Variants in PLAC9 observed in about 807,000 individuals in gnomAD.
The protein encoded by PLAC9 is placenta associated 9, also known as placenta-specific protein 9.
In PLAC9, 12 loss-of-function variants were observed where a neutral mutation model predicts 11.5. The observed-to-expected ratio is 1.05, with a 90% CI of 0.67 to 1.69. The LOEUF (loss-of-function observed/expected upper bound fraction) is 1.69. PLAC9 is among the 40% of genes most tolerant of loss of function. PLAC9 has a pLI of 0.00. For missense variants in PLAC9, 132 were observed against 130.5 expected, an observed-to-expected ratio of 1.01 and a Z score of -0.06; for synonymous variants, 62 against 58.1, an observed-to-expected ratio of 1.07 and a Z score of -0.31.
upstream of PLAC9, chr10:80,132,511 G>C: frequency 2.3e-6 from 1 of 427,732 alleles, no homozygotes; most frequent in Non-Finnish European, 4.1e-6. Context: ...CGGGGACTCG[G>C]GGGGCGGCCC....
intron 2 of PLAC9, among the ~76,000 whole-genome samples, chr10:80,142,647 ATCCT>A (rs1471478153): frequency 1.3e-5 from 2 of 152,212 alleles, no homozygotes; most frequent in African/African-American, 2.4e-5. Context: ...TATAATTTTT[ATCCT>A]TCCTTATGTC....
chr10:80,142,526 ATT>A (rs1047604700), intron 2 of PLAC9, among the ~76,000 whole-genome samples: 6 of 152,200 alleles, frequency 3.9e-5, no homozygotes, highest in African/African-American at 1.4e-4. Context: ...GAAATTGAGC[ATT>A]CTCATTCATC....
chr10:80,142,303 C>T (rs1845049967), intron 2 of PLAC9, 124 bp downstream of exon 2: 3 of 720,120 alleles, frequency 4.2e-6, no homozygotes, highest in Non-Finnish European at 6.6e-6. Context: ...CCTGTGGCCA[C>T]CTCGTCCAAC....
rs189782044 is a variant in PLAC9, at chr10:80,139,015, G to A, written c.65-3067G>A. 8.5e-3 allele frequency among the ~76,000 whole-genome samples: 1,258 copies of A among 147,984 alleles called. 22 individuals are homozygous for A. The highest frequency in any genetic ancestry group is 0.03 in the African/African-American group (1,191 of 39,464). ...CACCCAGGCTGGAGTGCAGTGGCGC[G>A]ATCTCCACTCACTGCAAGCTCTGCC... On this transcript the variant is annotated intron_variant, in intron 1 of 3. Coordinates refer to ENST00000372263, the MANE Select transcript of PLAC9 (RefSeq NM_001012973.3).
chr10:80,143,774 A>G (rs1845068063), intron 2 of PLAC9, among the ~76,000 whole-genome samples: 1 of 152,196 alleles, frequency 6.6e-6, no homozygotes, highest in African/African-American at 2.4e-5. Context: ...TTAAGGCATT[A>G]TTCTGAGAAG....
chr10:80,138,951 C>CTTTTTT (rs773767546), intron 1 of PLAC9, among the ~76,000 whole-genome samples: 3 of 131,316 alleles, frequency 2.3e-5, no homozygotes, highest in African/African-American at 9.4e-5. Context: ...TGCAATATTC[C>CTTTTTT]TTTTTTTTTT....
At chr10:80,134,192 C>T (rs1393659775) in intron 1 of PLAC9, among the ~76,000 whole-genome samples, 1 of 151,838 alleles carries the variant, frequency 6.6e-6, no homozygotes, top group Admixed American at 6.6e-5. Context: ...TCTATAGCCT[C>T]CACCCTCTCT....
chr10:80,141,996 A>G (rs764929508), intron 1 of PLAC9, 86 bp from the exon 2 acceptor site: 110 of 1,083,658 alleles, frequency 1.0e-4, no homozygotes, highest in Non-Finnish European at 1.4e-4. Context: ...TTGAGGACTG[A>G]CCTCATTTGA....
chr10:80,136,814 G>A (rs1475288146), intron 1 of PLAC9, among the ~76,000 whole-genome samples: 7 of 152,136 alleles, frequency 4.6e-5, no homozygotes, highest in Middle Eastern at 3.4e-3. Flanking sequence ...AGCCCAGCTC[G>A]TCTAGCTAAT....
chr10:80,141,577 C>A (rs561127637), intron 1 of PLAC9, among the ~76,000 whole-genome samples: 1 of 151,888 alleles, frequency 6.6e-6, no homozygotes, highest in Non-Finnish European at 1.5e-5. Flanking sequence ...CCAGCCTGGG[C>A]GACAGAGCGA....
intron 1 of PLAC9, among the ~76,000 whole-genome samples, chr10:80,134,713 CTTGA>C (rs1231829794): frequency 2.0e-5 from 3 of 152,094 alleles, no homozygotes; most frequent in East Asian, 1.9e-4. Context: ...TTCAAATGTC[CTTGA>C]TTGATTGTGT....
chr10:80,135,321 C>CTT (rs139336508), intron 1 of PLAC9, among the ~76,000 whole-genome samples: 750 of 67,274 alleles, frequency 0.011, 12 homozygotes, highest in Non-Finnish European at 0.015. Flanking sequence ...TGCGCCCGGC[C>CTT]TTTTTTTTTT....
Position 80,145,143 on chromosome 10 carries a change from C to G in PLAC9, c.*233C>G. The G allele has an allele frequency of 1.5e-6, 1 of 661,814 alleles. No homozygotes were observed. The allele number at this position is 661,814 out of a possible 1,614,324, so 41.0% of individuals were successfully genotyped here. ...CCAGGCTCAGACCTGGGGACACCCC[C>G]ACTCCTGTCATTTATAGGGGCAGAT... is the stretch of plus-strand genomic sequence containing the variant. On this transcript the variant is annotated 3_prime_UTR_variant, in exon 4 of 4. Transcript: ENST00000372263.
In PLAC9 at chr10:80,142,184, C is replaced by T; in HGVS notation, c.162+5C>T. On this transcript the variant is annotated splice_donor_5th_base_variant and intron_variant, in intron 2 of 3. Coordinates refer to ENST00000372263, the MANE Select transcript of PLAC9 (RefSeq NM_001012973.3). ...CGTCTAGATGTCATGGAGGAGGTAA[C>T]AGGGTGGTTTGGAAGGACATGCGAG... 1 of 1,600,868 alleles carries T rather than the reference C, an allele frequency of 6.2e-7. No individual in the cohort carries two copies.
At chr10:80,138,527 A>G (rs560489878) in intron 1 of PLAC9, among the ~76,000 whole-genome samples, 1 of 152,308 alleles carries the variant, frequency 6.6e-6, no homozygotes, top group South Asian at 2.1e-4. Context: ...GTGGAAGGAC[A>G]TTTTGTCTCT....
At chr10:80,141,007 G>C (rs146785746) in intron 1 of PLAC9, among the ~76,000 whole-genome samples, 2 of 152,270 alleles carry the variant, frequency 1.3e-5, no homozygotes, top group African/African-American at 4.8e-5. Flanking sequence ...CCTACGTGTA[G>C]ATTGGGCATA....
chr10:80,144,925 G>A lies in PLAC9; in HGVS notation c.*15G>A. On this transcript the variant is annotated 3_prime_UTR_variant, in exon 4 of 4. Transcript: ENST00000372263. The stretch of plus-strand genomic sequence containing the variant: ...ATGGCTTCTGAGCCCTGGAGCTGGA[G>A]CCCAGCAGTTGGAGGTGGTGCACCT... 6.4e-7 allele frequency: 1 copy of A among 1,572,504 alleles called. No individual in the cohort carries two copies.
intron 2 of PLAC9, 44 bp from the exon 3 acceptor site, chr10:80,144,170 AGCGGAACGT>A (rs1160455482): frequency 1.9e-6 from 3 of 1,613,316 alleles, no homozygotes; most frequent in Non-Finnish European, 2.5e-6. Flanking sequence ...TAGCTGATGA[AGCGGAACGT>A]GGAACCACTT....
At position 80,142,123 on chromosome 10, in the gene PLAC9, A is replaced by G. The variant is rs1393485264; in HGVS notation, c.106A>G (p.Ser36Gly). 4.3e-6 allele frequency: 7 copies of G among 1,611,794 alleles called. No homozygotes were observed. In the East Asian group the frequency reaches 1.6e-4, roughly 36 times the overall value. ...FSPPRGDSAQSTACDRHMAVQ... is the reference protein window; with the variant it reads ...FSPPRGDSAQGTACDRHMAVQ... ...CCCTCCGCGAGGAGACTCAGCTCAGAGCACAGCGTGTGACAGACACATGGC... is the reference window on the plus strand; with the variant it reads ...CCCTCCGCGAGGAGACTCAGCTCAGGGCACAGCGTGTGACAGACACATGGC... The change falls in exon 2 of 4, where the codon AGC becomes GGC. Residue 36 changes from serine (S) to glycine (G), a missense_variant. Coordinates refer to ENST00000372263, the MANE Select transcript of PLAC9 (RefSeq NM_001012973.3).
Sources: allele counts gnomAD v4.1 joint callset (sites outside exome capture counted in the v4.1 genomes callset), GRCh38; gene constraint gnomAD v4.1.1; transcripts MANE v1.5; gene names NCBI Gene and HGNC (gene_info 2026-07-23, HGNC 2026-07-21).